Variants in CDC42BPA observed in about 807,000 individuals in gnomAD.
The protein encoded by CDC42BPA is serine/threonine-protein kinase MRCK alpha.
In CDC42BPA, 80 loss-of-function variants were observed where a neutral mutation model predicts 223.5. The observed-to-expected ratio is 0.36, with a 90% confidence interval of 0.30 to 0.43. The LOEUF (loss-of-function observed/expected upper bound fraction) is 0.43. Ranked by LOEUF, CDC42BPA falls within the 20% of genes least tolerant of loss-of-function variation. The pLI is 1.00. For synonymous variants in CDC42BPA, 694 were observed against 718.6 expected (o/e 0.97, Z 0.55); for missense variants, 1,743 against 2,099.9 (o/e 0.83, Z 3.32).
chr1:227,054,584 G>A (rs188192116), intron 21 of CDC42BPA, among the ~76,000 whole-genome samples: 1 of 152,092 alleles, frequency 6.6e-6, no homozygotes, highest in Non-Finnish European at 1.5e-5. Flanking sequence ...TGGGATATTG[G>A]AGAAAGGAAA....
At position 227,029,496 on chromosome 1, in the gene CDC42BPA, T is replaced by G. The variant is rs80311832; in HGVS notation, c.3839-246A>C. On this transcript the variant is annotated intron_variant, in intron 29 of 36. Coordinates refer to ENST00000366766, the MANE Select transcript of CDC42BPA (RefSeq NM_001394014.1). ...ACCCCAAAGGATTCTTGTGTAAAAG[T>G]ATGCCAAATCTTCAAGGAAACTTTT... 5.4e-4 allele frequency among the ~76,000 whole-genome samples: 83 copies of G among 152,312 alleles called. No homozygotes were observed. The East Asian group carries it at 7.1e-3, about 13-fold the overall frequency.
chr1:227,268,669 T>C (rs541397622), intron 1 of CDC42BPA, among the ~76,000 whole-genome samples: 3 of 144,206 alleles, frequency 2.1e-5, no homozygotes, highest in South Asian at 2.1e-4. Flanking sequence ...TATATATACA[T>C]ATATATATAT....
At chr1:227,302,541 T>C (rs900535372) in intron 1 of CDC42BPA, among the ~76,000 whole-genome samples, 3 of 152,230 alleles carry the variant, frequency 2.0e-5, no homozygotes, top group African/African-American at 7.2e-5. Context: ...TTGGGGTCTC[T>C]TGTTTGTCCC....
intron 21 of CDC42BPA, among the ~76,000 whole-genome samples, chr1:227,058,025 C>T (rs1467163865): frequency 6.6e-6 from 1 of 152,294 alleles, no homozygotes; most frequent in East Asian, 1.9e-4. Context: ...GGGCACACAA[C>T]ATATTGGTTT....
chr1:227,271,561 G>C (rs1040630743), intron 1 of CDC42BPA, among the ~76,000 whole-genome samples: 1 of 151,836 alleles, frequency 6.6e-6, no homozygotes, highest in Non-Finnish European at 1.5e-5. Context: ...ATGGCTGATA[G>C]ATATATTCTT....
intron 11 of CDC42BPA, among the ~76,000 whole-genome samples, chr1:227,127,964 T>A (rs1656188891): frequency 6.6e-6 from 1 of 152,148 alleles, no homozygotes; most frequent in Non-Finnish European, 1.5e-5. Flanking sequence ...TCTCTCCCTA[T>A]CCCTCTGCTT....
intron 12 of CDC42BPA, among the ~76,000 whole-genome samples, chr1:227,118,368 T>C (rs1001071391): frequency 3.3e-5 from 5 of 152,058 alleles, no homozygotes; most frequent in South Asian, 4.2e-4. Context: ...TTCACATCTA[T>C]TGGAATGGCT....
Position 227,069,830 on chromosome 1 carries a change from G to A in CDC42BPA, c.2851C>T (p.His951Tyr). 1.2e-6 allele frequency: 2 copies of A among 1,611,492 alleles called. No homozygotes were observed. The highest frequency in any genetic ancestry group is 1.7e-6 in the Non-Finnish European group (2 of 1,178,096). Residue 951 changes from histidine (H) to tyrosine (Y), a missense_variant, in exon 21 of 37, where the codon CAT becomes TAT. Around this residue, in one of 6 missense-constraint regions of CDC42BPA, gnomAD observed 678 missense variants for 777.5 expected, o/e 0.87. Transcript: ENST00000366766. ...GTATTCAAAAATGCCAAGAAAGAAT[G>A]CTGTGAGTCTTGGTGCTCTATACCT... Reference protein sequence around the residue: ...EKGIEHQDSQHSFLAFLNTPT... With the variant: ...EKGIEHQDSQYSFLAFLNTPT...
intron 1 of CDC42BPA, among the ~76,000 whole-genome samples, chr1:227,274,442 G>A (rs554875783): frequency 2.8e-4 from 43 of 152,312 alleles, no homozygotes; most frequent in African/African-American, 8.9e-4. Flanking sequence ...GAAGAGAAAT[G>A]AAGTGTTATG....
intron 23 of CDC42BPA, among the ~76,000 whole-genome samples, chr1:227,047,516 CTACCATATGTAA>C (rs1672689623): frequency 6.6e-6 from 1 of 152,080 alleles, no homozygotes; most frequent in Non-Finnish European, 1.5e-5. Flanking sequence ...TCTTCTCATT[CTACCATATGTAA>C]TACTTCAGTC....
chr1:227,299,270 T>C (rs4415529), intron 1 of CDC42BPA, among the ~76,000 whole-genome samples: 14,862 of 152,206 alleles, frequency 0.098, 1,167 homozygotes, highest in East Asian at 0.36. Context: ...AATTGTCTGT[T>C]AAAAAACTAA....
intron 1 of CDC42BPA, among the ~76,000 whole-genome samples, chr1:227,298,434 C>A (rs1033450545): frequency 6.6e-6 from 1 of 151,944 alleles, no homozygotes; most frequent in African/African-American, 2.4e-5. Flanking sequence ...TATAAACAAG[C>A]TAGTGTCATT....
intron 16 of CDC42BPA, among the ~76,000 whole-genome samples, chr1:227,082,998 G>T (rs1021974086): frequency 1.3e-5 from 2 of 151,956 alleles, no homozygotes; most frequent in African/African-American, 4.8e-5. Context: ...GTTTCTGGCC[G>T]CTTTTCTAGG....
intron 6 of CDC42BPA, among the ~76,000 whole-genome samples, chr1:227,150,179 G>GC (rs1354737605): frequency 1.3e-5 from 2 of 148,990 alleles, no homozygotes; most frequent in Non-Finnish European, 3.0e-5. Context: ...AGCAGAGATG[G>GC]CATCACTGCA....
chr1:227,150,044 T>C (rs1168474500), intron 6 of CDC42BPA, among the ~76,000 whole-genome samples: 2 of 151,770 alleles, frequency 1.3e-5, no homozygotes, highest in Admixed American at 1.3e-4. Flanking sequence ...GGCAACATCG[T>C]GAAACCACAT....
intron 32 of CDC42BPA, among the ~76,000 whole-genome samples, chr1:227,022,241 G>A (rs1572304676): frequency 3.3e-5 from 5 of 152,158 alleles, no homozygotes; most frequent in Admixed American, 3.3e-4. Flanking sequence ...AGACCAGCCT[G>A]GCCAACATGG....
At chr1:227,110,535 T>C (rs1341827151) in intron 14 of CDC42BPA, among the ~76,000 whole-genome samples, 2 of 152,188 alleles carry the variant, frequency 1.3e-5, no homozygotes, top group African/African-American at 4.8e-5. Context: ...TACATTGTAC[T>C]CTATCACTTA....
chr1:227,163,651 GT>G (rs1271480313), intron 5 of CDC42BPA, among the ~76,000 whole-genome samples: 4 of 151,282 alleles, frequency 2.6e-5, no homozygotes, highest in African/African-American at 7.3e-5. Flanking sequence ...CTCGAACTTA[GT>G]TCTTCATGAT....
At chr1:227,251,402 C>A (rs1486980570) in intron 2 of CDC42BPA, among the ~76,000 whole-genome samples, 7 of 151,984 alleles carry the variant, frequency 4.6e-5, no homozygotes, top group Admixed American at 4.6e-4. Flanking sequence ...AAAAACAACA[C>A]AAAATGAGCA....
Sources: allele counts gnomAD v4.1 joint callset (sites outside exome capture counted in the v4.1 genomes callset), GRCh38; gene constraint gnomAD v4.1.1; regional missense constraint gnomAD v4.1.1; transcripts MANE v1.5; gene names NCBI Gene and HGNC (gene_info 2026-07-23, HGNC 2026-07-21).